TM7SF2: variants seen among roughly 807,000 people sequenced by gnomAD.
The protein encoded by TM7SF2 is transmembrane 7 superfamily member 2.
A neutral mutation model predicts 51.0 loss-of-function variants in TM7SF2; 51 were observed. The ratio of observed to expected loss-of-function variants is 1.00; its 90% CI spans 0.80 to 1.26. The LOEUF (loss-of-function observed/expected upper bound fraction) is 1.26. TM7SF2 is among the 50% of genes most tolerant of loss of function. The probability of loss-of-function intolerance (pLI) is 0.00; values close to 1 mark genes in which losing one functional copy is unlikely to be tolerated. For synonymous variants in TM7SF2, 255 were observed against 241.0 expected, an observed-to-expected ratio of 1.06 and a Z score of -0.54; for missense variants, 541 against 547.4, an observed-to-expected ratio of 0.99 and a Z score of 0.12.
At chr11:65,114,000 A>T (rs1256720965) in intron 5 of TM7SF2, among the ~76,000 whole-genome samples, 1 of 152,138 alleles carries the variant, frequency 6.6e-6, no homozygotes, top group Non-Finnish European at 1.5e-5. Flanking sequence ...ACCCGTCACT[A>T]GTGGCCTTGA....
chr11:65,115,047 G>A lies in TM7SF2; in HGVS notation c.858G>A (p.Gly286=). The change falls in exon 7 of 10, where the codon GGG becomes GGA. Residue 286 remains glycine, a synonymous_variant. Transcript: ENST00000279263. The stretch of plus-strand genomic sequence containing the variant: ...TGCTGCACCACCCGCAGCCCCTGGG[G>A]TTGCCCATGGCCTCTGTCATCTGCC... The part of the protein sequence containing the change: ...QFLLHHPQPL[G]LPMASVICLI... The A allele has an allele frequency of 1.2e-6, 2 of 1,613,964 alleles. No homozygotes were observed. Among genetic ancestry groups the A allele is most frequent in the Non-Finnish European group, 1.7e-6 (2 of 1,180,020 alleles).
In TM7SF2 at chr11:65,115,604, T is replaced by C. The variant is rs1947969733; in HGVS notation, c.1096+6T>C. 6.2e-7 allele frequency: 1 copy of C among 1,613,726 alleles called. No homozygotes were observed. The highest frequency in any genetic ancestry group is 8.5e-7 in the Non-Finnish European group (1 of 1,179,902). On this transcript the variant is annotated splice_donor_region_variant and intron_variant, in intron 9 of 9. Coordinates refer to ENST00000279263, the MANE Select transcript of TM7SF2 (RefSeq NM_003273.6). Reference sequence around the variant, plus strand: ...GGCTTGGTCCTTGCCCTGCGGTGAGTGGCCCATGTGGATATGGGTAGGGAC... The same window carrying C: ...GGCTTGGTCCTTGCCCTGCGGTGAGCGGCCCATGTGGATATGGGTAGGGAC...
At chr11:65,114,544 A>C (rs1947950944) in intron 5 of TM7SF2, 169 bp from the exon 6 acceptor site, 1 of 784,674 alleles carries the variant, frequency 1.3e-6, no homozygotes, top group Non-Finnish European at 2.0e-6. Context: ...AGGCAAGAAG[A>C]AACAGGCTGC....
Position 65,111,948 on chromosome 11 carries a change from A to C in TM7SF2, c.-68A>C. On this transcript the variant is annotated 5_prime_UTR_variant, in exon 1 of 10. Coordinates refer to ENST00000279263, the MANE Select transcript of TM7SF2 (RefSeq NM_003273.6). ...GCGCGGCCGAGTCCATCTCCTGGGA[A>C]ATGGGGCGGACAGTGTTTCCTTGAC... 1 of 1,499,360 alleles carries C rather than the reference A, an allele frequency of 6.7e-7. No individual in the cohort carries two copies. The highest frequency in any genetic ancestry group is 9.1e-7 in the Non-Finnish European group (1 of 1,099,742). The allele number at this position is 1,499,360 out of a possible 1,614,324, so 92.9% of individuals were successfully genotyped here. A position where few individuals can be genotyped will look rare whatever the true frequency, so the allele number is the denominator to read the frequency against.
chr11:65,112,852 C>T lies in TM7SF2; in HGVS notation c.291C>T (p.Arg97=). Residue 97 remains arginine, a synonymous_variant, in exon 3 of 10, where the codon CGC becomes CGT. Coordinates refer to ENST00000279263, the MANE Select transcript of TM7SF2 (RefSeq NM_003273.6). The part of the protein sequence containing the change: ...GQELKDKSRL[R]YPINGFQALV... Reference sequence around the variant, plus strand: ...AATTGAAGGACAAGAGTCGCCTGCGCTATCCTATTAACGGTGCCTAGGGGA... The same window carrying T: ...AATTGAAGGACAAGAGTCGCCTGCGTTATCCTATTAACGGTGCCTAGGGGA... 6.4e-7 allele frequency: 1 copy of T among 1,550,810 alleles called. No homozygotes were observed. Among genetic ancestry groups the T allele is most frequent in the Non-Finnish European group, 8.7e-7 (1 of 1,147,132 alleles).
At chr11:65,115,121 C>A (rs368670355) in intron 7 of TM7SF2, 40 bp downstream of exon 7, 5 of 1,606,308 alleles carry the variant, frequency 3.1e-6, no homozygotes, top group Non-Finnish European at 4.3e-6. Context: ...CCATCTTCCC[C>A]CTATCCCTTT....
rs1221034573 is a variant in TM7SF2, at chr11:65,112,627, G to A, written c.165G>A (p.Glu55=). 2.0e-6 allele frequency: 3 copies of A among 1,527,236 alleles called. No homozygotes were observed. Among genetic ancestry groups the A allele is most frequent in the Non-Finnish European group, 2.6e-6 (3 of 1,140,712 alleles). 94.6% of individuals were successfully genotyped at this position (1,527,236 alleles called of 1,614,324 possible). ...CACCCGCGTCCCTGCCGGGGCTGGA[G>A]GTGCTGTGGAGCCCACGGGCGCTGC... is the stretch of plus-strand genomic sequence containing the variant. ...LGPPASLPGL[E]VLWSPRALLL... Residue 55 remains glutamate, a synonymous_variant, in exon 2 of 10, where the codon GAG becomes GAA. Coordinates refer to ENST00000279263, the MANE Select transcript of TM7SF2 (RefSeq NM_003273.6).
In TM7SF2 at chr11:65,112,169, G is replaced by A. The variant is rs1450967535; in HGVS notation, c.52+102G>A. 3 of 1,260,406 alleles carry A rather than the reference G, an allele frequency of 2.4e-6. No homozygotes were observed. In the African/African-American group the frequency reaches 4.5e-5, roughly 19 times the overall value. 78.1% of individuals were successfully genotyped at this position (1,260,406 alleles called of 1,614,324 possible). On this transcript the variant is annotated intron_variant, in intron 1 of 9. Transcript: ENST00000279263. ...GCGAGATCTGAGGATGGAAGGCTTTGGGGGTGTCGGAGGCAGAGGGACCCG... is the reference window on the plus strand; with the variant it reads ...GCGAGATCTGAGGATGGAAGGCTTTAGGGGTGTCGGAGGCAGAGGGACCCG...
chr11:65,114,705 C>T lies in TM7SF2; in HGVS notation c.604-8C>T. 1 of 1,613,668 alleles carries T rather than the reference C, an allele frequency of 6.2e-7. No individual in the cohort carries two copies. Among genetic ancestry groups the T allele is most frequent in the African/African-American group, 1.3e-5 (1 of 75,068 alleles). On this transcript the variant is annotated splice_polypyrimidine_tract_variant and splice_region_variant and intron_variant, in intron 5 of 9. Coordinates refer to ENST00000279263, the MANE Select transcript of TM7SF2 (RefSeq NM_003273.6). ...TGTGGAGACTATTGCCTTGTTCCCT[C>T]TCCCCAGGTCCTCATCAACCTGGCC... is the stretch of plus-strand genomic sequence containing the variant.
rs1208803014 is a variant in TM7SF2 at position 65,112,845 on chromosome 11, G to T, written c.284G>T (p.Arg95Leu). 5 of 1,550,620 alleles carry T rather than the reference G, an allele frequency of 3.2e-6. No homozygotes were observed. The highest frequency in any genetic ancestry group is 4.4e-6 in the Non-Finnish European group (5 of 1,147,104). Residue 95 changes from arginine (R) to leucine (L), a missense_variant, in exon 3 of 10, where the codon CGC becomes CTC. Arg to Leu is a moderately radical substitution (Grantham distance 102). Transcript: ENST00000279263. ...AEGQELKDKS[R>L]LRYPINGFQA... ...GGGCAGGAATTGAAGGACAAGAGTC[G>T]CCTGCGCTATCCTATTAACGGTGCC...
Position 65,111,967 on chromosome 11 carries a change from C to A in TM7SF2, c.-49C>A. On this transcript the variant is annotated 5_prime_UTR_variant, in exon 1 of 10. Coordinates refer to ENST00000279263, the MANE Select transcript of TM7SF2 (RefSeq NM_003273.6). ...CTGGGAAATGGGGCGGACAGTGTTT[C>A]CTTGACTGACTATTGTGAGCGCCCT... 2 of 1,551,810 alleles carry A rather than the reference C, an allele frequency of 1.3e-6. No individual in the cohort carries two copies. The highest frequency in any genetic ancestry group is 1.7e-6 in the Non-Finnish European group (2 of 1,144,850).
Position 65,115,329 on chromosome 11 carries a change from T to C in TM7SF2, c.908T>C (p.Ile303Thr). 1 of 1,614,150 alleles carries C rather than the reference T, an allele frequency of 6.2e-7. No homozygotes were observed. The highest frequency in any genetic ancestry group is 8.5e-7 in the Non-Finnish European group (1 of 1,180,026). The change falls in exon 8 of 10, where the codon ATC becomes ACC. Residue 303 changes from isoleucine to threonine, a missense_variant. Physicochemically the swap from Ile to Thr is moderately conservative, Grantham distance 89. Transcript: ENST00000279263. ...ICLINATGYY[I>T]FRGANSQKNT... ...CTCTCACCAGCTACTGGTTACTACA[T>C]CTTCCGTGGGGCGAATTCCCAGAAA...
At chr11:65,112,120 G>A in intron 1 of TM7SF2, 53 bp downstream of exon 1, 4 of 1,540,514 alleles carry the variant, frequency 2.6e-6, no homozygotes, top group Non-Finnish European at 2.6e-6. Context: ...AAGGAGAGCT[G>A]GAGCGGGTGA....
At chr11:65,112,787 A>G in intron 2 of TM7SF2, 24 bp from the exon 3 acceptor site, 18 of 1,550,182 alleles carry the variant, frequency 1.2e-5, no homozygotes, top group Non-Finnish European at 1.6e-5. Flanking sequence ...CCCGGGCCTT[A>G]TCAGAGCCCC....
At position 65,113,247 on chromosome 11, in the gene TM7SF2, T is replaced by G; in HGVS notation, c.332T>G (p.Leu111Arg). Residue 111 changes from leucine (L) to arginine (R), a missense_variant, in exon 4 of 10, where the codon CTG (leucine) becomes CGG (arginine). By Grantham distance (102) the Leu-to-Arg change is moderately radical. Coordinates refer to ENST00000279263, the MANE Select transcript of TM7SF2 (RefSeq NM_003273.6). ...NGFQALVLTA[L>R]LVGLGMSAGL... ...TTCCAGGCCCTGGTGCTGACAGCCC[T>G]GTTGGTGGGGCTGGGGATGTCAGCG... 6.2e-7 allele frequency: 1 copy of G among 1,604,920 alleles called. No homozygotes were observed. The highest frequency in any genetic ancestry group is 1.1e-5 in the South Asian group (1 of 91,040).
Position 65,115,365 on chromosome 11 carries a change from G to T in TM7SF2, c.944G>T (p.Arg315Leu). 6.2e-7 allele frequency: 1 copy of T among 1,614,202 alleles called. No homozygotes were observed. The change falls in exon 8 of 10, where the codon CGA (arginine) becomes CTA (leucine). Residue 315 changes from arginine to leucine, a missense_variant. Coordinates refer to ENST00000279263, the MANE Select transcript of TM7SF2 (RefSeq NM_003273.6). ...RGANSQKNTF[R>L]KNPSDPRVAG... is the part of the protein sequence containing the mutation. ...GCGAATTCCCAGAAAAACACTTTCC[G>T]AAAGAATCCTTCTGACCCCAGAGTG...
chr11:65,113,578 C>CCGGCCT lies in TM7SF2; in HGVS notation c.589_594dup (p.Gly197_Leu198dup). The stretch of plus-strand genomic sequence containing the variant: ...TTCAAATATTTCTGTGAACTGCGAC[C>CCGGCCT]CGGCCTCATCGGCTGGGTATGTTGG... On this transcript the variant is annotated inframe_insertion, in exon 5 of 10. Coordinates refer to ENST00000279263, the MANE Select transcript of TM7SF2 (RefSeq NM_003273.6). The CCGGCCT allele has an allele frequency of 6.2e-7, 1 of 1,614,094 alleles. No individual in the cohort carries two copies. Among genetic ancestry groups the CCGGCCT allele is most frequent in the East Asian group, 2.2e-5 (1 of 44,884 alleles).
intron 8 of TM7SF2, 40 bp downstream of exon 8, chr11:65,115,434 C>G (rs1168954163): frequency 5.0e-6 from 8 of 1,614,174 alleles, no homozygotes; most frequent in Non-Finnish European, 6.8e-6. Context: ...GGTGGGGCAG[C>G]TGGGCTTCCT....
At chr11:65,115,860 G>C (rs534168939) in intron 9 of TM7SF2, 33 bp from the exon 10 acceptor site, 2 of 1,613,830 alleles carry the variant, frequency 1.2e-6, no homozygotes, top group African/African-American at 2.7e-5. Flanking sequence ...TGGAGGGGCC[G>C]GCAGGGTGGT....
Sources: allele counts gnomAD v4.1 joint callset (sites outside exome capture counted in the v4.1 genomes callset), GRCh38; gene constraint gnomAD v4.1.1; transcripts MANE v1.5; gene names NCBI Gene and HGNC (gene_info 2026-07-23, HGNC 2026-07-21).